Variants in WASHC4 observed in about 807,000 individuals in gnomAD.
The protein encoded by WASHC4 is WASH complex subunit 4.
A neutral mutation model predicts 166.6 loss-of-function variants in WASHC4; 86 were observed. The observed-to-expected ratio is 0.52, with a 90% CI of 0.43 to 0.62. The LOEUF is 0.62. Among genes scored for constraint, WASHC4 ranks in the 20% least tolerant of loss-of-function variants. The pLI is 0.00. For synonymous variants in WASHC4, 446 were observed against 451.6 expected, an observed-to-expected ratio of 0.99 and a Z score of 0.16; for missense variants, 1,262 against 1,382.4, an observed-to-expected ratio of 0.91 and a Z score of 1.38.
At chr12:105,157,353 T>A in intron 28 of WASHC4, 31 bp downstream of exon 28, 1 of 1,281,202 alleles carries the variant, frequency 7.8e-7, no homozygotes, top group Non-Finnish European at 1.1e-6. Context: ...TAAAAAAGTG[T>A]GTTTATAAAA....
chr12:105,127,091 A>G (rs1881358516), intron 12 of WASHC4, 38 bp from the exon 13 acceptor site: 3 of 1,572,042 alleles, frequency 1.9e-6, no homozygotes, highest in Non-Finnish European at 2.6e-6. Flanking sequence ...TTTAGCCTGC[A>G]TTTAATGAAT....
At chr12:105,114,943 G>A (rs1017282832) in intron 4 of WASHC4, among the ~76,000 whole-genome samples, 1 of 151,982 alleles carries the variant, frequency 6.6e-6, no homozygotes, top group Non-Finnish European at 1.5e-5. Context: ...ATGTGGGACA[G>A]TGAGGGTGGT....
In WASHC4 at chr12:105,144,877, A is replaced by G. The variant is rs1422047967; in HGVS notation, c.2334+5A>G. On this transcript the variant is annotated splice_donor_5th_base_variant and intron_variant, in intron 22 of 32. Transcript: ENST00000332180. ...CCCAGTCAGACTTTGGAACAGGTAT[A>G]GTATAAAATGTTTTTTTTAGCATAC... The G allele has an allele frequency of 3.1e-6, 5 of 1,609,742 alleles. No homozygotes were observed. The African/African-American group carries it at 4.1e-5, about 13-fold the overall frequency.
At chr12:105,164,050 G>T in intron 30 of WASHC4, 61 bp from the exon 31 acceptor site, 1 of 1,396,492 alleles carries the variant, frequency 7.2e-7, no homozygotes, top group South Asian at 1.2e-5. Context: ...TATTGGTGAA[G>T]GAGTAGAATA....
intron 24 of WASHC4, chr12:105,148,276 C>T (rs763532486): frequency 1.0e-5 from 10 of 985,280 alleles, no homozygotes; most frequent in Non-Finnish European, 1.2e-5. Context: ...ATGTAATGAT[C>T]ATGTTTGTAC....
At chr12:105,149,836 T>C (rs1304328194) in intron 25 of WASHC4, 87 bp downstream of exon 25, 3 of 1,271,594 alleles carry the variant, frequency 2.4e-6, no homozygotes, top group East Asian at 5.2e-5. Context: ...TTTAGATCTC[T>C]ATTGGGGTTT....
At chr12:105,132,125 G>A (rs1459076736) in intron 13 of WASHC4, among the ~76,000 whole-genome samples, 2 of 152,194 alleles carry the variant, frequency 1.3e-5, no homozygotes, top group Non-Finnish European at 2.9e-5. Flanking sequence ...GGTAGGGTCC[G>A]ATTCCATAAA....
Position 105,164,263 on chromosome 12 carries a change from C to G in WASHC4, c.3310C>G (p.Gln1104Glu). 1 of 1,613,990 alleles carries G rather than the reference C, an allele frequency of 6.2e-7. No individual in the cohort carries two copies. The highest frequency in any genetic ancestry group is 8.5e-7 in the Non-Finnish European group (1 of 1,179,928). ...AGCCAGTCAAGATGAAAAACTCTTA[C>G]AAACCATGAATCTCACTCAGAAGCG... is the stretch of plus-strand genomic sequence containing the variant. Reference protein sequence around the residue: ...QSASQDEKLLQTMNLTQKRLD... With the variant: ...QSASQDEKLLETMNLTQKRLD... The change falls in exon 31 of 33, where the codon CAA (glutamine) becomes GAA (glutamate). Residue 1104 changes from glutamine (Q) to glutamate (E), a missense_variant. Transcript: ENST00000332180.
Position 105,146,543 on chromosome 12 carries a change from A to ATT in WASHC4, c.2409+17_2409+18insTT. ...AACAATCAGGTGAGTAGGGTTTATA[A>ATT]ATTTTTTTTTTTTAATGTAGGTGGA... On this transcript the variant is annotated intron_variant, in intron 23 of 32. Transcript: ENST00000332180. 2 of 1,497,088 alleles carry ATT rather than the reference A, an allele frequency of 1.3e-6. No homozygotes were observed. The highest frequency in any genetic ancestry group is 1.2e-5 in the South Asian group (1 of 86,220). 92.7% of individuals were successfully genotyped at this position (1,497,088 alleles called of 1,614,324 possible). A position where few individuals can be genotyped will look rare whatever the true frequency, so the allele number is the denominator to read the frequency against.
intron 6 of WASHC4, 40 bp downstream of exon 6, chr12:105,115,768 A>G: frequency 7.8e-7 from 1 of 1,281,894 alleles, no homozygotes; most frequent in Non-Finnish European, 1.1e-6. Context: ...TTACTTCAAA[A>G]AGTTTGAGTA....
At position 105,160,044 on chromosome 12, in the gene WASHC4, G is replaced by A. The variant is rs186282802; in HGVS notation, c.2956G>A (p.Glu986Lys). ...CAGTGATCACACACGAAATTCTGCC[G>A]AAGGCACAGAATATTTCAAAATGCT... ...VLSDHTRNSAEGTEYFKMLVD... is the reference protein window; with the variant it reads ...VLSDHTRNSAKGTEYFKMLVD... The change falls in exon 29 of 33, where the codon GAA (glutamate) becomes AAA (lysine). Residue 986 changes from glutamate to lysine, a missense_variant. Coordinates refer to ENST00000332180, the MANE Select transcript of WASHC4 (RefSeq NM_015275.3). 5.6e-6 allele frequency: 9 copies of A among 1,613,808 alleles called. No individual in the cohort carries two copies. The African/African-American group carries it at 9.3e-5, about 17-fold the overall frequency.
chr12:105,118,006 C>A (rs1375454153), intron 6 of WASHC4, among the ~76,000 whole-genome samples: 1 of 152,150 alleles, frequency 6.6e-6, no homozygotes, highest in Non-Finnish European at 1.5e-5. Context: ...TCTGGAAACC[C>A]CTTCCTGCCA....
chr12:105,160,007 G>A lies in WASHC4; in HGVS notation c.2919G>A (p.Leu973=). The change falls in exon 29 of 33, where the codon TTG becomes TTA. Residue 973 remains leucine, a synonymous_variant. Transcript: ENST00000332180. ...ATAATTTTTTGCTTTTTAGGCATTTGGATTCAGTCCTCAGTGATCACACAC... is the reference window on the plus strand; with the variant it reads ...ATAATTTTTTGCTTTTTAGGCATTTAGATTCAGTCCTCAGTGATCACACAC... ...AEETLKAARH[L]DSVLSDHTRN... The A allele has an allele frequency of 1.2e-6, 2 of 1,613,792 alleles. No individual in the cohort carries two copies. Among genetic ancestry groups the A allele is most frequent in the Non-Finnish European group, 1.7e-6 (2 of 1,179,888 alleles).
chr12:105,136,382 C>G (rs1042894224), intron 14 of WASHC4, among the ~76,000 whole-genome samples: 1 of 151,984 alleles, frequency 6.6e-6, no homozygotes, highest in African/African-American at 2.4e-5. Flanking sequence ...TTATTTGAAT[C>G]CTCTTTGATG....
At chr12:105,162,556 A>G (rs1211841019) in intron 29 of WASHC4, among the ~76,000 whole-genome samples, 193 bp from the exon 30 acceptor site, 3 of 152,364 alleles carry the variant, frequency 2.0e-5, no homozygotes, top group East Asian at 3.9e-4. Context: ...CCATGAAGAT[A>G]CACTTGTATA....
At chr12:105,145,312 A>G (rs1471444314) in intron 22 of WASHC4, among the ~76,000 whole-genome samples, 2 of 152,018 alleles carry the variant, frequency 1.3e-5, no homozygotes, top group African/African-American at 4.8e-5. Flanking sequence ...GGAGTATAGG[A>G]AAACATTTAG....
intron 25 of WASHC4, among the ~76,000 whole-genome samples, chr12:105,151,645 C>T (rs977295158): frequency 2.6e-5 from 4 of 152,070 alleles, no homozygotes; most frequent in South Asian, 2.1e-4. Flanking sequence ...CCACACCCAG[C>T]TAATTTTAGT....
intron 28 of WASHC4, among the ~76,000 whole-genome samples, chr12:105,157,911 C>A (rs1243552025): frequency 6.7e-6 from 1 of 150,070 alleles, no homozygotes; most frequent in East Asian, 2.0e-4. Context: ...TCCCATAACA[C>A]GAGAGGCATG....
intron 28 of WASHC4, among the ~76,000 whole-genome samples, chr12:105,158,990 T>G (rs1010257382): frequency 1.3e-4 from 20 of 152,202 alleles, no homozygotes; most frequent in Admixed American, 7.9e-4. Context: ...TCTGTGAGAA[T>G]AAGGCCCCAG....
Sources: allele counts gnomAD v4.1 joint callset (sites outside exome capture counted in the v4.1 genomes callset), GRCh38; gene constraint gnomAD v4.1.1; transcripts MANE v1.5; gene names NCBI Gene and HGNC (gene_info 2026-07-23, HGNC 2026-07-21).